PDHX: variants seen among roughly 807,000 people sequenced by gnomAD.
The protein encoded by PDHX is pyruvate dehydrogenase complex component X, also known as pyruvate dehydrogenase protein X component, mitochondrial.
In PDHX, 33 loss-of-function variants were observed where a neutral mutation model predicts 55.3. The ratio of observed to expected loss-of-function variants is 0.60; its 90% CI spans 0.45 to 0.80. The LOEUF (loss-of-function observed/expected upper bound fraction) is 0.80, where lower values mean the gene tolerates loss of function less well. Ranked by LOEUF, PDHX falls within the 30% of genes least tolerant of loss-of-function variation. PDHX has a pLI of 0.00. For missense variants in PDHX, 622 were observed against 619.9 expected (o/e 1.00, Z -0.04); for synonymous variants, 226 against 219.4 (o/e 1.03, Z -0.27).
At chr11:34,916,407 G>A (rs572118408), upstream of PDHX, 58 of 1,507,504 alleles carry the variant, frequency 3.8e-5, no homozygotes, top group South Asian at 6.6e-4. Flanking sequence ...GCCCGGGGGC[G>A]GGGCGAACGG....
At chr11:34,978,765 G>C (rs1057443538) in intron 8 of PDHX, among the ~76,000 whole-genome samples, 1 of 152,146 alleles carries the variant, frequency 6.6e-6, no homozygotes, top group African/African-American at 2.4e-5. Context: ...GGAGAGGTGG[G>C]AGATAAGATT....
At chr11:34,988,709 G>T (rs574967992) in intron 9 of PDHX, among the ~76,000 whole-genome samples, 34 of 152,314 alleles carry the variant, frequency 2.2e-4, no homozygotes, top group South Asian at 4.1e-4. Flanking sequence ...TTGGTTTTCT[G>T]TGTCTGTAAG....
intron 2 of PDHX, among the ~76,000 whole-genome samples, chr11:34,936,171 A>T (rs188654689): frequency 1.2e-4 from 19 of 152,312 alleles, no homozygotes; most frequent in Admixed American, 8.5e-4. Context: ...TCTGGGGTGT[A>T]AGGAAAGGCA....
intron 9 of PDHX, among the ~76,000 whole-genome samples, chr11:34,990,548 G>A (rs1445355311): frequency 6.6e-6 from 1 of 152,104 alleles, no homozygotes; most frequent in Non-Finnish European, 1.5e-5. Flanking sequence ...TAGTTCATCA[G>A]GATATGTTGA....
At chr11:34,957,637 C>A in intron 4 of PDHX, 54 bp downstream of exon 4, 1 of 1,362,678 alleles carries the variant, frequency 7.3e-7, no homozygotes, top group East Asian at 2.3e-5. Flanking sequence ...TATGGCAGTT[C>A]TTATGGAATT....
intron 8 of PDHX, among the ~76,000 whole-genome samples, chr11:34,981,422 C>A (rs1855510660): frequency 6.6e-6 from 1 of 152,078 alleles, no homozygotes; most frequent in South Asian, 2.1e-4. Context: ...TGGGTTGGTT[C>A]CAAGTCTTTG....
At chr11:34,965,159 CAA>C (rs1412280856) in intron 5 of PDHX, among the ~76,000 whole-genome samples, 2 of 152,146 alleles carry the variant, frequency 1.3e-5, no homozygotes, top group Non-Finnish European at 2.9e-5. Context: ...AGGCTGAAAT[CAA>C]AGTGTTGGCC....
At chr11:34,941,215 A>C (rs1196347533) in intron 2 of PDHX, among the ~76,000 whole-genome samples, 1 of 152,146 alleles carries the variant, frequency 6.6e-6, no homozygotes, top group Admixed American at 6.5e-5. Context: ...TTGGCCATGC[A>C]AATATTATCC....
At position 34,968,080 on chromosome 11, in the gene PDHX, G is replaced by A. The variant is rs1425563639; in HGVS notation, c.816+1266G>A. Among the ~76,000 whole-genome samples, 9 of 152,034 alleles carry A rather than the reference G, an allele frequency of 5.9e-5. No homozygotes were observed. In the East Asian group the frequency reaches 1.7e-3, roughly 29 times the overall value. On this transcript the variant is annotated intron_variant, in intron 6 of 10. Coordinates refer to ENST00000227868, the MANE Select transcript of PDHX (RefSeq NM_003477.3). ...CACCTAGGCATTCAAAGACCAGCCT[G>A]GGCAACATAGTGAGACCTCATCTCT... is the stretch of plus-strand genomic sequence containing the variant.
chr11:34,946,595 G>A (rs1339853029), intron 2 of PDHX, among the ~76,000 whole-genome samples: 2 of 152,116 alleles, frequency 1.3e-5, no homozygotes, highest in African/African-American at 2.4e-5. Context: ...TGGGGATATT[G>A]GCAGATACAG....
intron 2 of PDHX, among the ~76,000 whole-genome samples, chr11:34,934,379 G>T (rs1854255371): frequency 6.6e-6 from 1 of 152,086 alleles, no homozygotes; most frequent in African/African-American, 2.4e-5. Flanking sequence ...GAGGAATTCT[G>T]TATGCCAGTT....
chr11:34,917,001 C>T (rs781140556), intron 1 of PDHX, among the ~76,000 whole-genome samples, 186 bp downstream of exon 1: 2 of 152,098 alleles, frequency 1.3e-5, no homozygotes, highest in Non-Finnish European at 2.9e-5. Context: ...TTCTTGGCAG[C>T]TGAGAGAACT....
At chr11:34,944,454 A>G (rs762197123) in intron 2 of PDHX, among the ~76,000 whole-genome samples, 36 of 152,172 alleles carry the variant, frequency 2.4e-4, no homozygotes, top group Non-Finnish European at 4.1e-4. Flanking sequence ...TTTGTTGACT[A>G]GGGACATCTC....
chr11:34,953,371 C>A (rs1200011248), intron 3 of PDHX, among the ~76,000 whole-genome samples: 3 of 152,272 alleles, frequency 2.0e-5, no homozygotes, highest in East Asian at 1.9e-4. Context: ...CAAAAAAGAG[C>A]CTGCATCGCC....
In PDHX at chr11:34,995,833, C is replaced by T. The variant is rs1321413895; in HGVS notation, c.*661C>T. On this transcript the variant is annotated 3_prime_UTR_variant, in exon 11 of 11. Coordinates refer to ENST00000227868, the MANE Select transcript of PDHX (RefSeq NM_003477.3). ...TTCTAAAGCAAGAGGATAAAAGAAG[C>T]ATGAATGAAAAGAATGACATTTCAA... 1 of 152,384 alleles carries T rather than the reference C, an allele frequency of 6.6e-6. No individual in the cohort carries two copies. Among genetic ancestry groups the T allele is most frequent in the East Asian group, 1.9e-4 (1 of 5,202 alleles). The allele number at this position is 152,384 out of a possible 1,614,324, so 9.4% of individuals were successfully genotyped here.
At position 34,955,198 on chromosome 11, in the gene PDHX, C is replaced by T. The variant is rs1043478587; in HGVS notation, c.343-2186C>T. ...AGTGTATCCATGGAGGTACCATGAG[C>T]TACCATGGAGGTAGCTCAGAGAGGA... On this transcript the variant is annotated intron_variant, in intron 3 of 10. Coordinates refer to ENST00000227868, the MANE Select transcript of PDHX (RefSeq NM_003477.3). 1.3e-5 allele frequency among the ~76,000 whole-genome samples: 2 copies of T among 152,096 alleles called. 1 individual carries two copies. Among genetic ancestry groups the T allele is most frequent in the South Asian group, 4.1e-4 (2 of 4,828 alleles).
intron 1 of PDHX, among the ~76,000 whole-genome samples, chr11:34,930,596 T>TA (rs1426318746): frequency 6.6e-6 from 1 of 152,218 alleles, no homozygotes; most frequent in Non-Finnish European, 1.5e-5. Context: ...GTTACCATGG[T>TA]ATTTTATTAG....
chr11:34,952,066 C>T (rs995634287), intron 3 of PDHX, among the ~76,000 whole-genome samples: 10 of 152,172 alleles, frequency 6.6e-5, no homozygotes, highest in Non-Finnish European at 1.3e-4. Context: ...ACAAACACCT[C>T]TACACAAATA....
At chr11:34,986,307 C>CAA (rs755119406) in intron 9 of PDHX, among the ~76,000 whole-genome samples, 6,666 of 64,772 alleles carry the variant, frequency 0.1, 253 homozygotes, top group Middle Eastern at 0.21. Flanking sequence ...CACTGTATCT[C>CAA]AAAAAAAAAA....
Sources: gnomAD v4.1 joint callset for allele counts (sites outside exome capture counted in the v4.1 genomes callset) on GRCh38, gnomAD v4.1.1 for gene constraint, MANE v1.5 for transcripts, NCBI Gene and HGNC (gene_info 2026-07-23, HGNC 2026-07-21) for gene names.